The following B3GALT1 variants were observed in gnomAD, a reference collection of about 807,000 sequenced individuals.
B3GALT1 encodes the protein UDP-Gal:betaGlcNAc beta 1,3-galactosyltransferase, polypeptide 1.
In B3GALT1, 10 loss-of-function variants were observed where a neutral mutation model predicts 23.2. The observed-to-expected ratio is 0.43, with a 90% confidence interval of 0.27 to 0.73. The LOEUF is 0.73. B3GALT1 is among the 30% of genes least tolerant of loss of function. B3GALT1 has a pLI of 0.21. For missense variants in B3GALT1, 299 were observed against 405.4 expected, an observed-to-expected ratio of 0.74 and a Z score of 2.25; for synonymous variants, 156 against 141.5, an observed-to-expected ratio of 1.10 and a Z score of -0.73.
intron 3 of B3GALT1, among the ~76,000 whole-genome samples, chr2:167,698,764 C>T (rs2105507596): frequency 6.6e-6 from 1 of 152,264 alleles, no homozygotes; most frequent in African/African-American, 2.4e-5. Flanking sequence ...AAATAACTAA[C>T]AAACAAAACA....
chr2:167,451,879 C>A (rs905255195), intron 1 of B3GALT1, among the ~76,000 whole-genome samples: 1 of 152,096 alleles, frequency 6.6e-6, no homozygotes, highest in Non-Finnish European at 1.5e-5. Context: ...TGGAGGATGG[C>A]GGTGTGGTTC....
intron 4 of B3GALT1, among the ~76,000 whole-genome samples, chr2:167,847,488 A>C (rs1372227333): frequency 6.6e-6 from 1 of 152,236 alleles, no homozygotes; most frequent in African/African-American, 2.4e-5. Context: ...CTGAATGAGC[A>C]CTGAGTCAAA....
intron 2 of B3GALT1, among the ~76,000 whole-genome samples, chr2:167,636,311 A>G (rs368298864): frequency 6.6e-6 from 1 of 151,800 alleles, no homozygotes; most frequent in East Asian, 2.0e-4. Context: ...TAGAAATTCA[A>G]AAGACCCTCT....
rs1697949164 is a variant in B3GALT1, at chr2:167,387,673, A to G, written c.-511+94339A>G. Among the ~76,000 whole-genome samples the G allele has an allele frequency of 2.0e-5, 3 of 152,186 alleles. No homozygotes were observed. In the South Asian group the frequency reaches 6.2e-4, roughly 31 times the overall value. On this transcript the variant is annotated intron_variant, in intron 1 of 4. Coordinates refer to ENST00000392690, the MANE Select transcript of B3GALT1 (RefSeq NM_020981.4). ...TGCATATTTCATTTTAAATACACCT[A>G]TTTACTAGTGAAATCATAGAATGTG...
intron 1 of B3GALT1, among the ~76,000 whole-genome samples, chr2:167,440,927 G>A (rs1698883825): frequency 6.6e-6 from 1 of 150,768 alleles, no homozygotes; most frequent in Non-Finnish European, 1.5e-5. Flanking sequence ...CTTCTTTTTT[G>A]AACCTTTAAA....
chr2:167,836,927 A>C lies in B3GALT1; in HGVS notation c.-230+18134A>C, dbSNP rs544635190. ...CCAGAATTTCATATCCAGCCAAACT[A>C]AGCTTCATAAGTGAAGGAGAAATAA... On this transcript the variant is annotated intron_variant, in intron 4 of 4. Coordinates refer to ENST00000392690, the MANE Select transcript of B3GALT1 (RefSeq NM_020981.4). 2.0e-3 allele frequency among the ~76,000 whole-genome samples: 297 copies of C among 152,146 alleles called. 2 individuals are homozygous for C. The highest frequency in any genetic ancestry group is 5.2e-3 in the Admixed American group (80 of 15,296).
intron 2 of B3GALT1, among the ~76,000 whole-genome samples, chr2:167,576,811 T>C (rs1684397114): frequency 6.6e-6 from 1 of 151,658 alleles, no homozygotes. Context: ...GGAGAGAGGA[T>C]GAGGGAAATT....
In B3GALT1 at chr2:167,301,331, A is replaced by G. The variant is rs145561682; in HGVS notation, c.-511+7997A>G. Among the ~76,000 whole-genome samples, 50 of 152,326 alleles carry G rather than the reference A, an allele frequency of 3.3e-4. 1 individual carries two copies. In the East Asian group the frequency reaches 7.9e-3, roughly 24 times the overall value. On this transcript the variant is annotated intron_variant, in intron 1 of 4. Coordinates refer to ENST00000392690, the MANE Select transcript of B3GALT1 (RefSeq NM_020981.4). The stretch of plus-strand genomic sequence containing the variant: ...AGAAAACAGAATGGCTGCAGAGAAT[A>G]TGAGAGGAAATGATGAAGTCCTTTC...
chr2:167,716,094 A>G, intron 3 of B3GALT1: 3 of 1,538,276 alleles, frequency 2.0e-6, no homozygotes, highest in South Asian at 1.1e-5. Flanking sequence ...CGGTCACCGC[A>G]GTTAACACTG....
intron 2 of B3GALT1, among the ~76,000 whole-genome samples, chr2:167,629,214 G>A (rs1016513176): frequency 2.0e-4 from 31 of 151,772 alleles, no homozygotes; most frequent in Middle Eastern, 3.4e-3. Context: ...CGGTGATCTC[G>A]TAATGTCTAA....
At chr2:167,452,091 CG>C (rs2105320580) in intron 1 of B3GALT1, among the ~76,000 whole-genome samples, 1 of 152,222 alleles carries the variant, frequency 6.6e-6, no homozygotes, top group South Asian at 2.1e-4. Flanking sequence ...GAACTTGCCC[CG>C]GGCTACCGGT....
chr2:167,639,376 T>C (rs770094289), intron 2 of B3GALT1, among the ~76,000 whole-genome samples: 69 of 152,128 alleles, frequency 4.5e-4, no homozygotes, highest in Non-Finnish European at 8.1e-4. Context: ...GTAATGAGTT[T>C]GTATTCTTAA....
intron 2 of B3GALT1, among the ~76,000 whole-genome samples, chr2:167,570,633 C>T (rs558824686): frequency 1.9e-4 from 29 of 151,982 alleles, no homozygotes; most frequent in East Asian, 5.8e-4. Context: ...GTGCTTCTTA[C>T]CAGTTAAGTC....
chr2:167,463,742 T>G (rs543268893), intron 1 of B3GALT1, among the ~76,000 whole-genome samples: 16 of 152,268 alleles, frequency 1.1e-4, no homozygotes, highest in African/African-American at 3.4e-4. Flanking sequence ...GATATGAAAA[T>G]GCAAAGTGTA....
intron 3 of B3GALT1, among the ~76,000 whole-genome samples, chr2:167,696,179 C>G (rs1165438935): frequency 6.6e-6 from 1 of 151,268 alleles, no homozygotes; most frequent in Non-Finnish European, 1.5e-5. Context: ...CAAAACCTAA[C>G]TTACATTCTG....
At chr2:167,601,207 G>A (rs889478466) in intron 2 of B3GALT1, among the ~76,000 whole-genome samples, 10 of 151,986 alleles carry the variant, frequency 6.6e-5, no homozygotes, top group Admixed American at 5.9e-4. Context: ...TTACAGGCAC[G>A]TGCCACCACG....
intron 1 of B3GALT1, among the ~76,000 whole-genome samples, chr2:167,330,387 C>G (rs1916746): frequency 0.8 from 121,191 of 152,016 alleles, 50,017 homozygotes; most frequent in Non-Finnish European, 0.91. Context: ...TGAGAGCCTT[C>G]CTTGAGCCCA....
At position 167,492,114 on chromosome 2, in the gene B3GALT1, C is replaced by T. The variant is rs529781731; in HGVS notation, c.-410+1837C>T. Among the ~76,000 whole-genome samples, 5 of 152,294 alleles carry T rather than the reference C, an allele frequency of 3.3e-5. No individual in the cohort carries two copies. The South Asian group carries it at 1.0e-3, about 32-fold the overall frequency. ...AGAATAGCTTCGCTGCTCTAAAAAT[C>T]CCACATCTTCCTCTGATTCCCTCTT... is the stretch of plus-strand genomic sequence containing the variant. On this transcript the variant is annotated intron_variant, in intron 2 of 4. Coordinates refer to ENST00000392690, the MANE Select transcript of B3GALT1 (RefSeq NM_020981.4).
chr2:167,849,321 T>C (rs1351696391), intron 4 of B3GALT1, among the ~76,000 whole-genome samples: 1 of 152,130 alleles, frequency 6.6e-6, no homozygotes, highest in Admixed American at 6.6e-5. Context: ...CACGACCTGA[T>C]TTTAAACTAT....
Sources: gnomAD v4.1 joint callset for allele counts (sites outside exome capture counted in the v4.1 genomes callset) on GRCh38, gnomAD v4.1.1 for gene constraint, MANE v1.5 for transcripts, NCBI Gene and HGNC (gene_info 2026-07-23, HGNC 2026-07-21) for gene names.